MROH7: variants seen among roughly 807,000 people sequenced by gnomAD.
The protein encoded by MROH7 is maestro heat like repeat family member 7, also known as maestro heat-like repeat-containing protein family member 7.
In MROH7, 113 loss-of-function variants were observed where a neutral mutation model predicts 129.2. That is an observed-to-expected ratio of 0.87 (90% CI 0.75 to 1.02). The LOEUF (loss-of-function observed/expected upper bound fraction) is 1.02, where lower values mean the gene tolerates loss of function less well. Ranked by LOEUF, MROH7 falls within the 50% of genes least tolerant of loss-of-function variation. The probability of loss-of-function intolerance (pLI) is 0.00; values close to 1 mark genes in which losing one functional copy is unlikely to be tolerated. For synonymous variants in MROH7, 655 were observed against 667.9 expected, an observed-to-expected ratio of 0.98 and a Z score of 0.30; for missense variants, 1,601 against 1,671.3, an observed-to-expected ratio of 0.96 and a Z score of 0.73.
In MROH7 at chr1:54,706,039, T is replaced by A. The variant is rs188780326; in HGVS notation, c.3565-396T>A. 5.3e-5 allele frequency among the ~76,000 whole-genome samples: 8 copies of A among 152,256 alleles called. No homozygotes were observed. The East Asian group carries it at 9.7e-4, about 18-fold the overall frequency. Reference sequence around the variant, plus strand: ...TTTCCTAATGTACGAGTAAGCCCTATTTCTGTCTGGCTTTTAAGACCCCCT... The same window carrying A: ...TTTCCTAATGTACGAGTAAGCCCTAATTCTGTCTGGCTTTTAAGACCCCCT... On this transcript the variant is annotated intron_variant, in intron 21 of 23. Transcript: ENST00000421030.
intron 16 of MROH7, 94 bp from the exon 17 acceptor site, chr1:54,695,282 T>G: frequency 1.5e-6 from 1 of 681,744 alleles, no homozygotes; most frequent in Non-Finnish European, 2.6e-6. Flanking sequence ...TGATCCTGGC[T>G]TACCCAGGAT....
chr1:54,677,480 C>T (rs564625018), intron 10 of MROH7, among the ~76,000 whole-genome samples: 186 of 152,334 alleles, frequency 1.2e-3, no homozygotes, highest in African/African-American at 4.3e-3. Context: ...CAGGCGTGAG[C>T]CACTGCCCAC....
chr1:54,650,218 T>C (rs934027016), intron 1 of MROH7, among the ~76,000 whole-genome samples: 1 of 152,188 alleles, frequency 6.6e-6, no homozygotes, highest in African/African-American at 2.4e-5. Flanking sequence ...ATCTTAGAGA[T>C]GGGGAGGACA....
intron 13 of MROH7, among the ~76,000 whole-genome samples, chr1:54,681,136 G>A (rs1645063947): frequency 6.6e-6 from 1 of 152,132 alleles, no homozygotes; most frequent in Non-Finnish European, 1.5e-5. Context: ...ACATAGTCTC[G>A]GGTGCCAAGT....
intron 4 of MROH7, among the ~76,000 whole-genome samples, chr1:54,666,554 C>G (rs762667133): frequency 1.3e-5 from 2 of 150,312 alleles, no homozygotes; most frequent in Non-Finnish European, 2.9e-5. Context: ...CCCATCTCAG[C>G]CTCCTGAGTA....
chr1:54,654,719 A>T (rs920660656), intron 3 of MROH7, among the ~76,000 whole-genome samples: 3 of 152,128 alleles, frequency 2.0e-5, no homozygotes, highest in Admixed American at 2.0e-4. Context: ...TTCTGTCCAA[A>T]TTATGTCTAT....
intron 22 of MROH7, among the ~76,000 whole-genome samples, chr1:54,708,018 A>G (rs1645562661): frequency 6.6e-6 from 1 of 152,208 alleles, no homozygotes; most frequent in South Asian, 2.1e-4. Flanking sequence ...CAGATACTCA[A>G]GAAACCAAGA....
chr1:54,691,392 T>G (rs1386852890), intron 15 of MROH7, among the ~76,000 whole-genome samples: 2 of 152,258 alleles, frequency 1.3e-5, no homozygotes, highest in Non-Finnish European at 2.9e-5. Context: ...CAGCTCTCAC[T>G]ATCAGCTGAG....
chr1:54,693,106 T>A (rs931632990), intron 16 of MROH7, among the ~76,000 whole-genome samples: 22 of 151,792 alleles, frequency 1.4e-4, no homozygotes, highest in African/African-American at 4.8e-4. Context: ...TTGAGGCGGG[T>A]GGATCATCTG....
Position 54,700,372 on chromosome 1 carries a change from C to T in MROH7, c.3016C>T (p.Arg1006Trp), listed in dbSNP as rs368557133. ...GATCCCCGAGGAATACTCTCTGGGG[C>T]GGATGGCAGAAGGCCTGAGCCACCA... The part of the protein sequence containing the change: ...RRIPEEYSLG[R>W]MAEGLSHHDP... Residue 1006 changes from arginine to tryptophan, a missense_variant, in exon 18 of 24, where the codon CGG (arginine) becomes TGG (tryptophan). Transcript: ENST00000421030. The T allele has an allele frequency of 7.1e-5, 114 of 1,614,038 alleles. 1 individual carries two copies. Among genetic ancestry groups the T allele is most frequent in the East Asian group, 4.7e-4 (21 of 44,874 alleles).
Position 54,710,119 on chromosome 1 carries a change from A to G in MROH7, c.3904A>G (p.Thr1302Ala). ...RWSPSCENLP[T>A]SHQRRSWIMQ... Reference sequence around the variant, plus strand: ...GAGCCCCAGCTGTGAGAACCTGCCCACTTCCCACCAGCGGCGCTCCTGGAT... The same window carrying G: ...GAGCCCCAGCTGTGAGAACCTGCCCGCTTCCCACCAGCGGCGCTCCTGGAT... The change falls in exon 24 of 24, where the codon ACT becomes GCT. Residue 1302 changes from threonine (T) to alanine (A), a missense_variant. Thr to Ala is a moderately conservative substitution (Grantham distance 58). Transcript: ENST00000421030. 1 of 1,613,900 alleles carries G rather than the reference A, an allele frequency of 6.2e-7. No individual in the cohort carries two copies. The highest frequency in any genetic ancestry group is 8.5e-7 in the Non-Finnish European group (1 of 1,179,968).
At chr1:54,661,576 A>ATTTG (rs71048703) in intron 3 of MROH7, among the ~76,000 whole-genome samples, 9,463 of 149,808 alleles carry the variant, frequency 0.063, 306 homozygotes, top group African/African-American at 0.068. Flanking sequence ...TAAAAATATT[A>ATTTG]TTTGTTTGTT....
chr1:54,648,614 G>A (rs924962581), intron 1 of MROH7, among the ~76,000 whole-genome samples: 1 of 151,928 alleles, frequency 6.6e-6, no homozygotes, highest in African/African-American at 2.4e-5. Flanking sequence ...GATCCACCCA[G>A]CTCGGCCTCC....
rs561521099 is a variant in MROH7 at position 54,657,504 on chromosome 1, A to G, written c.1231+3347A>G. 8.8e-4 allele frequency among the ~76,000 whole-genome samples: 134 copies of G among 152,070 alleles called. 1 individual carries two copies. The highest frequency in any genetic ancestry group is 3.2e-3 in the African/African-American group (132 of 41,504). On this transcript the variant is annotated intron_variant, in intron 3 of 23. Coordinates refer to ENST00000421030, the MANE Select transcript of MROH7 (RefSeq NM_001039464.4). ...AGTGATTCTTTCACCTCAGCCTCCC[A>G]AATAGCTACGACTGTAGGCACACAC...
intron 17 of MROH7, chr1:54,697,814 A>C (rs978031596): frequency 1.5e-5 from 9 of 583,790 alleles, no homozygotes; most frequent in African/African-American, 1.5e-4. Flanking sequence ...TAAGTCTGTT[A>C]GTGTCTACCA....
Position 54,686,282 on chromosome 1 carries a change from C to T in MROH7, c.2545C>T (p.Leu849=). 1.2e-6 allele frequency: 2 copies of T among 1,613,914 alleles called. No homozygotes were observed. Among genetic ancestry groups the T allele is most frequent in the Admixed American group, 1.7e-5 (1 of 60,012 alleles). Residue 849 remains leucine, a synonymous_variant, in exon 15 of 24, where the codon CTG becomes TTG. Coordinates refer to ENST00000421030, the MANE Select transcript of MROH7 (RefSeq NM_001039464.4). ...LAAASGLCEL[L]SVNSCMGRVR... Reference sequence around the variant, plus strand: ...GGCAGCCAGCGGCCTGTGCGAGCTCCTGTCCGTCAACAGCTGCATGGGCCG... The same window carrying T: ...GGCAGCCAGCGGCCTGTGCGAGCTCTTGTCCGTCAACAGCTGCATGGGCCG...
intron 15 of MROH7, among the ~76,000 whole-genome samples, chr1:54,689,058 T>TG (rs1035733456): frequency 3.8e-4 from 58 of 152,172 alleles, no homozygotes; most frequent in African/African-American, 1.4e-3. Flanking sequence ...GTCTAAATGG[T>TG]GGCCCCCGAA....
intron 4 of MROH7, among the ~76,000 whole-genome samples, chr1:54,666,465 C>T (rs907520791): frequency 6.2e-5 from 7 of 112,196 alleles, no homozygotes; most frequent in Non-Finnish European, 1.0e-4. Context: ...GGCAGGGTCT[C>T]GCTCTGTCAC....
At chr1:54,670,710 C>T (rs923772291) in intron 6 of MROH7, 90 bp from the exon 7 acceptor site, 20 of 1,413,828 alleles carry the variant, frequency 1.4e-5, no homozygotes, top group African/African-American at 2.9e-5. Context: ...CCTCCCCTTG[C>T]CCAGTCCCTG....
Sources: allele counts gnomAD v4.1 joint callset (sites outside exome capture counted in the v4.1 genomes callset), GRCh38; gene constraint gnomAD v4.1.1; transcripts MANE v1.5; gene names NCBI Gene and HGNC (gene_info 2026-07-23, HGNC 2026-07-21).